Variants in ADGRA3 observed in about 807,000 individuals in gnomAD.
The protein encoded by ADGRA3 is G-protein coupled receptor 125.
In ADGRA3, 56 loss-of-function variants were observed where a neutral mutation model predicts 119.8. The ratio of observed to expected loss-of-function variants is 0.47; its 90% CI spans 0.38 to 0.58. ADGRA3 has a LOEUF of 0.58. ADGRA3 is among the 20% of genes least tolerant of loss of function. The pLI is 0.00. For missense variants in ADGRA3, 1,516 were observed against 1,649.0 expected (o/e 0.92, Z 1.40); for synonymous variants, 607 against 623.8 (o/e 0.97, Z 0.40).
chr4:22,480,821 A>G (rs1204046646), intron 1 of ADGRA3, among the ~76,000 whole-genome samples: 1 of 152,168 alleles, frequency 6.6e-6, no homozygotes, highest in Admixed American at 6.6e-5. Flanking sequence ...GTGTTGTAGG[A>G]CTCAGGGAGA....
chr4:22,430,827 G>C (rs1716135242), intron 10 of ADGRA3, among the ~76,000 whole-genome samples: 1 of 45,626 alleles, frequency 2.2e-5, no homozygotes, highest in Non-Finnish European at 6.2e-5. Context: ...GGTTTCATAG[G>C]CTGGGCCCAG....
chr4:22,413,363 A>T lies in ADGRA3; in HGVS notation c.2051T>A (p.Ile684Asn), dbSNP rs1560303667. The part of the protein sequence containing the change: ...IDGVNVDTHH[I>N]PVNVTLRRIA... ...TCGACGCAGTGTCACATTAACAGGG[A>T]TGTGGTGGGTATCTACATTCACACC... The change falls in exon 14 of 19, where the codon ATC becomes AAC. Residue 684 changes from isoleucine to asparagine, a missense_variant. Coordinates refer to ENST00000334304, the MANE Select transcript of ADGRA3 (RefSeq NM_145290.4). The T allele has an allele frequency of 6.2e-7, 1 of 1,614,040 alleles. No individual in the cohort carries two copies. The highest frequency in any genetic ancestry group is 2.2e-5 in the East Asian group (1 of 44,874).
At position 22,413,143 on chromosome 4, in the gene ADGRA3, T is replaced by C. The variant is rs372551119; in HGVS notation, c.2232+39A>G. On this transcript the variant is annotated intron_variant, in intron 14 of 18. Coordinates refer to ENST00000334304, the MANE Select transcript of ADGRA3 (RefSeq NM_145290.4). The stretch of plus-strand genomic sequence containing the variant: ...AGCTTAATTATGCATAGCAAAAATG[T>C]AGAATAGTGTTTATGCATAAAGTTA... The C allele has an allele frequency of 2.2e-4, 323 of 1,437,756 alleles. 2 individuals are homozygous for C. The highest frequency in any genetic ancestry group is 3.4e-5 in the Admixed American group (2 of 59,144). 89.1% of individuals were successfully genotyped at this position (1,437,756 alleles called of 1,614,324 possible).
intron 1 of ADGRA3, among the ~76,000 whole-genome samples, chr4:22,488,240 A>C (rs1229513691): frequency 1.3e-5 from 2 of 152,134 alleles, no homozygotes; most frequent in African/African-American, 4.8e-5. Flanking sequence ...GTTGCAACGG[A>C]AACTGTACAC....
chr4:22,509,396 G>C (rs998840717), intron 1 of ADGRA3, among the ~76,000 whole-genome samples: 1 of 151,852 alleles, frequency 6.6e-6, no homozygotes, highest in African/African-American at 2.4e-5. Context: ...CCAGCTACTC[G>C]GGGCGCTGAG....
At chr4:22,413,835 A>T (rs1458654597) in intron 12 of ADGRA3, 21 bp from the exon 13 acceptor site, 3 of 1,521,458 alleles carry the variant, frequency 2.0e-6, no homozygotes, top group Non-Finnish European at 2.7e-6. Context: ...ATATATACAT[A>T]AAAAAAGCTC....
At chr4:22,416,792 G>T (rs1715448420) in intron 12 of ADGRA3, among the ~76,000 whole-genome samples, 1 of 152,100 alleles carries the variant, frequency 6.6e-6, no homozygotes, top group Admixed American at 6.6e-5. Context: ...TTACCACACA[G>T]CTGCTTTTTT....
At chr4:22,424,898 C>A (rs745791342) in intron 10 of ADGRA3, among the ~76,000 whole-genome samples, 1 of 151,920 alleles carries the variant, frequency 6.6e-6, no homozygotes. Context: ...ATGGTGAAAC[C>A]CCATATCTAC....
chr4:22,427,705 A>G (rs545280260), intron 10 of ADGRA3, among the ~76,000 whole-genome samples: 42 of 152,338 alleles, frequency 2.8e-4, no homozygotes, highest in African/African-American at 3.8e-4. Flanking sequence ...AGGGGTAACA[A>G]TGCATGAAAA....
At chr4:22,513,696 G>A (rs1719532785) in intron 1 of ADGRA3, among the ~76,000 whole-genome samples, 1 of 147,866 alleles carries the variant, frequency 6.8e-6, no homozygotes, top group South Asian at 2.2e-4. Context: ...ATTTTTAGTA[G>A]AGACAGGGTT....
intron 10 of ADGRA3, among the ~76,000 whole-genome samples, chr4:22,431,651 G>GA (rs1716175820): frequency 6.6e-6 from 1 of 152,154 alleles, no homozygotes; most frequent in Non-Finnish European, 1.5e-5. Context: ...CTTCTGCCAT[G>GA]ATTGTGAGGC....
At chr4:22,455,722 A>G in intron 3 of ADGRA3, 2 of 786,882 alleles carry the variant, frequency 2.5e-6, no homozygotes, top group South Asian at 3.4e-5. Context: ...ACACAATTTT[A>G]TTTTTACATT....
At position 22,413,694 on chromosome 4, in the gene ADGRA3, C is replaced by T. The variant is rs1715312227; in HGVS notation, c.1930G>A (p.Gly644Arg). ...YKLQLIAFRN[G>R]KLFPATGNST... Reference sequence around the variant, plus strand: ...TTTCCAGTGGCTGGAAAAAGCTTTCCATTGCGGAATGCAATGAGTTGAAGC... The same window carrying T: ...TTTCCAGTGGCTGGAAAAAGCTTTCTATTGCGGAATGCAATGAGTTGAAGC... Residue 644 changes from glycine to arginine, a missense_variant, in exon 13 of 19, where the codon GGA becomes AGA. Gly to Arg is a moderately radical substitution (Grantham distance 125). Coordinates refer to ENST00000334304, the MANE Select transcript of ADGRA3 (RefSeq NM_145290.4). The T allele has an allele frequency of 6.2e-7, 1 of 1,613,942 alleles. No individual in the cohort carries two copies. The highest frequency in any genetic ancestry group is 8.5e-7 in the Non-Finnish European group (1 of 1,179,932).
chr4:22,406,581 C>T (rs1714937323), intron 14 of ADGRA3, among the ~76,000 whole-genome samples: 1 of 152,046 alleles, frequency 6.6e-6, no homozygotes, highest in African/African-American at 2.4e-5. Context: ...TTTTCATACA[C>T]CTGTTGGTCA....
intron 1 of ADGRA3, among the ~76,000 whole-genome samples, chr4:22,514,760 T>C (rs1030881975): frequency 7.2e-5 from 11 of 152,160 alleles, no homozygotes; most frequent in African/African-American, 2.7e-4. Context: ...AAAACTACGT[T>C]TGCAAAACTG....
intron 2 of ADGRA3, among the ~76,000 whole-genome samples, chr4:22,470,894 G>T (rs1409642765): frequency 6.6e-6 from 1 of 152,180 alleles, no homozygotes; most frequent in East Asian, 1.9e-4. Flanking sequence ...GGCCAGTGGA[G>T]AAAGCACCTC....
chr4:22,393,632 T>G (rs990644054), intron 16 of ADGRA3: 4 of 151,992 alleles, frequency 2.6e-5, no homozygotes, highest in Non-Finnish European at 5.9e-5. Context: ...GAACCAAGAG[T>G]AATATAAAAG....
intron 1 of ADGRA3, among the ~76,000 whole-genome samples, chr4:22,476,958 C>T (rs1007074124): frequency 6.6e-6 from 1 of 151,874 alleles, no homozygotes; most frequent in African/African-American, 2.4e-5. Flanking sequence ...TGAGACACCA[C>T]ACCTGGCCAA....
At chr4:22,498,376 T>C (rs987284944) in intron 1 of ADGRA3, among the ~76,000 whole-genome samples, 49 of 152,140 alleles carry the variant, frequency 3.2e-4, no homozygotes, top group African/African-American at 1.1e-3. Flanking sequence ...CCCAGCACTT[T>C]GGGAGGCCAA....
Sources: allele counts gnomAD v4.1 joint callset (sites outside exome capture counted in the v4.1 genomes callset), GRCh38; gene constraint gnomAD v4.1.1; transcripts MANE v1.5; gene names NCBI Gene and HGNC (gene_info 2026-07-23, HGNC 2026-07-21).